Variants in KIAA1217 observed in about 807,000 individuals in gnomAD.
KIAA1217 encodes KIAA1217.
KIAA1217 carries 88 observed loss-of-function variants against 163.9 expected under a neutral mutation model. That is an observed-to-expected ratio of 0.54 (90% confidence interval 0.45 to 0.64). The LOEUF is 0.64. KIAA1217 is among the 30% of genes least tolerant of loss of function. KIAA1217 has a pLI of 0.00. For missense variants in KIAA1217, 2,372 were observed against 2,475.0 expected (o/e 0.96, Z 0.88); for synonymous variants, 903 against 923.1 (o/e 0.98, Z 0.39).
intron 1 of KIAA1217, among the ~76,000 whole-genome samples, chr10:23,743,291 G>A (rs887849403): frequency 5.3e-5 from 8 of 151,122 alleles, no homozygotes; most frequent in East Asian, 1.9e-4. Flanking sequence ...CAGTATGATC[G>A]GTAATTCCAC....
intron 1 of KIAA1217, among the ~76,000 whole-genome samples, chr10:23,855,091 T>TG (rs1564479321): frequency 6.6e-6 from 1 of 152,224 alleles, no homozygotes; most frequent in Non-Finnish European, 1.5e-5. Context: ...CGTTAGTTGA[T>TG]GCAGTTTCTT....
At chr10:24,093,830 G>T (rs1478209792) in intron 2 of KIAA1217, among the ~76,000 whole-genome samples, 1 of 123,310 alleles carries the variant, frequency 8.1e-6, no homozygotes, top group East Asian at 2.4e-4. Context: ...TCCCCAGAGT[G>T]TGATGTTCCC....
chr10:24,487,445 G>A (rs187140780), intron 6 of KIAA1217, among the ~76,000 whole-genome samples: 37 of 152,348 alleles, frequency 2.4e-4, no homozygotes, highest in African/African-American at 6.5e-4. Context: ...ATCGTCTCCC[G>A]AGGCCATGAA....
At chr10:23,911,535 G>A (rs1223440639) in intron 1 of KIAA1217, among the ~76,000 whole-genome samples, 1 of 152,168 alleles carries the variant, frequency 6.6e-6, no homozygotes, top group Non-Finnish European at 1.5e-5. Flanking sequence ...TTTGTGTGTT[G>A]ATAGCATTTT....
At position 24,325,106 on chromosome 10, in the gene KIAA1217, C is replaced by CA. The variant is rs376041743; in HGVS notation, c.355-55762dup. 2.2e-3 allele frequency among the ~76,000 whole-genome samples: 330 copies of CA among 152,332 alleles called. 4 individuals are homozygous for CA. The highest frequency in any genetic ancestry group is 7.6e-3 in the African/African-American group (316 of 41,580). On this transcript the variant is annotated intron_variant, in intron 2 of 20. Transcript: ENST00000376454. ...TACTTCTCAAAGAACAATCCATAGTCACCCAGAAACAAGCACTATATATAC... is the reference window on the plus strand; with the variant it reads ...TACTTCTCAAAGAACAATCCATAGTCAACCCAGAAACAAGCACTATATATAC...
chr10:24,520,214 C>T lies in KIAA1217; in HGVS notation c.2269C>T (p.Leu757Phe), dbSNP rs560134199. The T allele has an allele frequency of 1.9e-6, 3 of 1,614,120 alleles. No homozygotes were observed. The highest frequency in any genetic ancestry group is 2.2e-5 in the East Asian group (1 of 44,872). The part of the protein sequence containing the change: ...TLKDVEDGAF[L>F]LRQVGEAVAT... ...GAAAGACGTGGAAGACGGGGCTTTCCTCCTGCGTCAAGTGGGAGAGGCTGT... is the reference window on the plus strand; with the variant it reads ...GAAAGACGTGGAAGACGGGGCTTTCTTCCTGCGTCAAGTGGGAGAGGCTGT... Residue 757 changes from leucine to phenylalanine, a missense_variant, in exon 11 of 21, where the codon CTC (leucine) becomes TTC (phenylalanine). Leu to Phe is a conservative substitution (Grantham distance 22). This residue lies in a region of KIAA1217 where 1,431 missense variants were observed against 1,470.3 expected (regional missense o/e 0.97). Coordinates refer to ENST00000376454, the MANE Select transcript of KIAA1217 (RefSeq NM_019590.5).
chr10:23,856,421 A>G (rs1190889575), intron 1 of KIAA1217, among the ~76,000 whole-genome samples: 1 of 152,150 alleles, frequency 6.6e-6, no homozygotes, highest in East Asian at 1.9e-4. Flanking sequence ...GTCTGCCCCT[A>G]CTGGAGGGTG....
chr10:23,730,551 T>C (rs1838418604), intron 1 of KIAA1217, among the ~76,000 whole-genome samples: 1 of 152,202 alleles, frequency 6.6e-6, no homozygotes, highest in South Asian at 2.1e-4. Context: ...GATTTTTATT[T>C]TGATGGCATT....
intron 2 of KIAA1217, among the ~76,000 whole-genome samples, chr10:24,292,154 AT>A (rs1156738599): frequency 6.6e-6 from 1 of 152,106 alleles, no homozygotes; most frequent in Non-Finnish European, 1.5e-5. Context: ...ACAATACAAG[AT>A]TTTTCTGGAT....
rs768036654 is a variant in KIAA1217, at chr10:24,524,809, A to C, written c.2898+45A>C. ...TCTCATAACCCCATAAAGGAGTCTG[A>C]TACATGGACCTTTCCCTTAAAGCAT... is the stretch of plus-strand genomic sequence containing the variant. On this transcript the variant is annotated intron_variant, in intron 13 of 20. Transcript: ENST00000376454. The C allele has an allele frequency of 9.6e-6, 14 of 1,460,882 alleles. No individual in the cohort carries two copies. In the East Asian group the frequency reaches 3.0e-4, roughly 31 times the overall value. The allele number at this position is 1,460,882 out of a possible 1,614,324, so 90.5% of individuals were successfully genotyped here.
At chr10:23,839,650 G>A (rs11013743) in intron 1 of KIAA1217, among the ~76,000 whole-genome samples, 1,977 of 152,228 alleles carry the variant, frequency 0.013, 61 homozygotes, top group African/African-American at 0.045. Context: ...GTGTGAAGAG[G>A]AATTTATTTT....
At chr10:24,344,877 C>T (rs1332767143) in intron 2 of KIAA1217, among the ~76,000 whole-genome samples, 1 of 152,144 alleles carries the variant, frequency 6.6e-6, no homozygotes, top group African/African-American at 2.4e-5. Flanking sequence ...TTAGTTGATA[C>T]AATTAAGAAC....
chr10:24,520,930 G>A (rs999602981), intron 11 of KIAA1217, among the ~76,000 whole-genome samples: 8 of 149,102 alleles, frequency 5.4e-5, no homozygotes, highest in Admixed American at 3.3e-4. Flanking sequence ...GGTGGCTCAC[G>A]CCTGCAATCC....
chr10:23,822,044 G>T (rs1837645587), intron 1 of KIAA1217, among the ~76,000 whole-genome samples: 1 of 152,124 alleles, frequency 6.6e-6, no homozygotes, highest in Non-Finnish European at 1.5e-5. Flanking sequence ...CAATAAGTAA[G>T]AGCGGGTGCA....
At chr10:24,195,216 G>A (rs368211548) in intron 2 of KIAA1217, among the ~76,000 whole-genome samples, 1 of 152,170 alleles carries the variant, frequency 6.6e-6, no homozygotes, top group South Asian at 2.1e-4. Flanking sequence ...ATCCCTGGAA[G>A]TATGATCAAA....
rs1245373551 is a variant in KIAA1217 at position 23,805,506 on chromosome 10, C to T, written c.-321+110272C>T. Among the ~76,000 whole-genome samples, 4 of 152,010 alleles carry T rather than the reference C, an allele frequency of 2.6e-5. No homozygotes were observed. The East Asian group carries it at 7.7e-4, about 29-fold the overall frequency. ...AACATGGACACATAGAGGGGAACAA[C>T]AGACTAGGGCCTATTGGAGGGTGGA... On this transcript the variant is annotated intron_variant, in intron 1 of 18. Transcript: ENST00000376462.
chr10:23,880,306 A>T (rs1438104883), intron 1 of KIAA1217, among the ~76,000 whole-genome samples: 1 of 151,976 alleles, frequency 6.6e-6, no homozygotes, highest in South Asian at 2.1e-4. Flanking sequence ...AACAACATGG[A>T]TGGAACTGGA....
chr10:24,235,773 C>T lies in KIAA1217; in HGVS notation c.354+15864C>T, dbSNP rs78412110. Among the ~76,000 whole-genome samples, 296 of 152,202 alleles carry T rather than the reference C, an allele frequency of 1.9e-3. 1 individual carries two copies. The highest frequency in any genetic ancestry group is 6.2e-3 in the African/African-American group (259 of 41,550). ...TCTGAACTACCCCAGACTCCAGTACCGTCTGTTAACTCCGTATCTCGGAGG... is the reference window on the plus strand; with the variant it reads ...TCTGAACTACCCCAGACTCCAGTACTGTCTGTTAACTCCGTATCTCGGAGG... On this transcript the variant is annotated intron_variant, in intron 2 of 20. Coordinates refer to ENST00000376454, the MANE Select transcript of KIAA1217 (RefSeq NM_019590.5).
chr10:24,336,727 G>A (rs954269951), intron 2 of KIAA1217, among the ~76,000 whole-genome samples: 20 of 152,196 alleles, frequency 1.3e-4, no homozygotes, highest in African/African-American at 4.8e-4. Flanking sequence ...GAGCTTAACA[G>A]AGTTGCCTGC....
Sources: gnomAD v4.1 joint callset for allele counts (sites outside exome capture counted in the v4.1 genomes callset) on GRCh38, gnomAD v4.1.1 for gene constraint, gnomAD v4.1.1 regional missense constraint, MANE v1.5 for transcripts, NCBI Gene and HGNC (gene_info 2026-07-23, HGNC 2026-07-21) for gene names.